Variants in ADK observed in about 807,000 individuals in gnomAD.
The protein encoded by ADK is N6,N6-dimethyladenosine kinase.
A neutral mutation model predicts 44.7 loss-of-function variants in ADK; 24 were observed. The observed-to-expected ratio is 0.54, with a 90% CI of 0.39 to 0.76. ADK has a LOEUF of 0.76. Ranked by LOEUF, ADK falls within the 30% of genes least tolerant of loss-of-function variation. ADK has a pLI of 0.00. For missense variants in ADK, 321 were observed against 425.1 expected (o/e 0.76, Z 2.15); for synonymous variants, 128 against 142.6 (o/e 0.90, Z 0.73).
At chr10:74,702,573 T>TTCCTTCCTCC (rs1554900283) in intron 10 of ADK, among the ~76,000 whole-genome samples, 1 of 142,364 alleles carries the variant, frequency 7.0e-6, no homozygotes, top group Admixed American at 7.2e-5. Flanking sequence ...CCTTCCTTCC[T>TTCCTTCCTCC]CTCTCTCTCT....
intron 6 of ADK, among the ~76,000 whole-genome samples, chr10:74,427,717 A>C (rs1037979600): frequency 2.5e-5 from 3 of 117,906 alleles, no homozygotes; most frequent in African/African-American, 1.0e-4. Flanking sequence ...ATTTTTGTAT[A>C]TGTATATGTA....
chr10:74,704,864 C>T (rs1348290807), intron 10 of ADK, among the ~76,000 whole-genome samples: 1 of 152,214 alleles, frequency 6.6e-6, no homozygotes, highest in Non-Finnish European at 1.5e-5. Flanking sequence ...GTGGACTGAG[C>T]ATTTTCGCCT....
chr10:74,302,966 T>C (rs1840111181), intron 3 of ADK, among the ~76,000 whole-genome samples: 2 of 152,206 alleles, frequency 1.3e-5, no homozygotes, highest in Admixed American at 6.5e-5. Flanking sequence ...CATGCCTTGA[T>C]AATCATTTCT....
chr10:74,171,948 T>C (rs191407407), intron 1 of ADK, among the ~76,000 whole-genome samples: 109 of 152,194 alleles, frequency 7.2e-4, no homozygotes, highest in Non-Finnish European at 1.3e-3. Flanking sequence ...TGGGAAAATA[T>C]ATCTTTACTT....
chr10:74,304,654 A>G (rs1400788159), intron 3 of ADK, among the ~76,000 whole-genome samples: 1 of 152,236 alleles, frequency 6.6e-6, no homozygotes, highest in African/African-American at 2.4e-5. Flanking sequence ...TCAATGTTTA[A>G]TTATTTTAAA....
rs555120198 is a variant in ADK, at chr10:74,341,394, C to T, written c.273+26649C>T. Reference sequence around the variant, plus strand: ...AAAAAAAATTAGCTGGGTGTGTTGGCGGGTGCCTGTAATCCTAGCTACTCG... The same window carrying T: ...AAAAAAAATTAGCTGGGTGTGTTGGTGGGTGCCTGTAATCCTAGCTACTCG... On this transcript the variant is annotated intron_variant, in intron 4 of 10. Coordinates refer to ENST00000539909, the MANE Select transcript of ADK (RefSeq NM_006721.4). Among the ~76,000 whole-genome samples, 942 of 151,552 alleles carry T rather than the reference C, an allele frequency of 6.2e-3. 2 individuals carry two copies. The highest frequency in any genetic ancestry group is 0.01 in the Non-Finnish European group (709 of 67,880).
chr10:74,526,995 CA>C (rs1288361466), intron 7 of ADK, among the ~76,000 whole-genome samples: 1 of 152,200 alleles, frequency 6.6e-6, no homozygotes, highest in African/African-American at 2.4e-5. Flanking sequence ...CAAGAAAGAT[CA>C]GACTGGCAGC....
At chr10:74,410,570 G>T (rs539282660) in intron 6 of ADK, among the ~76,000 whole-genome samples, 2 of 152,124 alleles carry the variant, frequency 1.3e-5, no homozygotes, top group African/African-American at 4.8e-5. Context: ...AGTCCCAGCT[G>T]CTGGGGAGGC....
chr10:74,251,149 A>G (rs892552633), intron 3 of ADK, among the ~76,000 whole-genome samples: 2 of 152,234 alleles, frequency 1.3e-5, no homozygotes, highest in Admixed American at 6.5e-5. Context: ...TGCTGGTACT[A>G]TTAACTTCAA....
chr10:74,200,129 C>A (rs1843317441), intron 1 of ADK, among the ~76,000 whole-genome samples: 1 of 146,958 alleles, frequency 6.8e-6, no homozygotes, highest in Non-Finnish European at 1.5e-5. Context: ...TAAGTATTAC[C>A]TTTTCTCTGC....
chr10:74,626,335 C>G (rs1853202822), intron 9 of ADK, among the ~76,000 whole-genome samples: 1 of 144,922 alleles, frequency 6.9e-6, no homozygotes, highest in Non-Finnish European at 1.5e-5. Flanking sequence ...GAGTCTTGCT[C>G]TGTCCCCAGG....
chr10:74,205,424 C>A (rs1271176038), intron 2 of ADK, among the ~76,000 whole-genome samples: 2 of 151,938 alleles, frequency 1.3e-5, no homozygotes, highest in African/African-American at 4.8e-5. Flanking sequence ...GCCTGTAATC[C>A]CAGCACTTTG....
intron 3 of ADK, among the ~76,000 whole-genome samples, chr10:74,258,152 AT>A (rs1205189834): frequency 1.3e-5 from 2 of 152,082 alleles, no homozygotes; most frequent in South Asian, 2.1e-4. Context: ...ATATTTAAGT[AT>A]TTTTTTAGTG....
chr10:74,193,036 T>C (rs1240778249), intron 1 of ADK, among the ~76,000 whole-genome samples: 2 of 152,246 alleles, frequency 1.3e-5, no homozygotes, highest in African/African-American at 4.8e-5. Context: ...AAAAGTATTT[T>C]GAAGCCATTT....
intron 6 of ADK, among the ~76,000 whole-genome samples, chr10:74,411,904 C>T (rs1364886014): frequency 6.6e-6 from 1 of 152,198 alleles, no homozygotes; most frequent in Non-Finnish European, 1.5e-5. Context: ...GCATTCATAG[C>T]GTGTTCACCA....
intron 3 of ADK, among the ~76,000 whole-genome samples, chr10:74,232,506 A>C (rs937566262): frequency 6.7e-6 from 1 of 148,424 alleles, no homozygotes; most frequent in Admixed American, 6.8e-5. Context: ...TGGGCAATAG[A>C]GTGAGAACCC....
intron 9 of ADK, among the ~76,000 whole-genome samples, chr10:74,653,576 A>T (rs1052612839): frequency 6.6e-6 from 1 of 152,218 alleles, no homozygotes; most frequent in Non-Finnish European, 1.5e-5. Context: ...AAGCTTTAAA[A>T]TCAGTGTACT....
At chr10:74,345,357 C>T (rs1303853460) in intron 4 of ADK, among the ~76,000 whole-genome samples, 1 of 151,524 alleles carries the variant, frequency 6.6e-6, no homozygotes, top group Non-Finnish European at 1.5e-5. Context: ...GGCTGGAGTG[C>T]ACTGGCAAGC....
At chr10:74,225,080 CTTTAT>C (rs1405653488) in intron 3 of ADK, among the ~76,000 whole-genome samples, 1 of 152,058 alleles carries the variant, frequency 6.6e-6, no homozygotes, top group Non-Finnish European at 1.5e-5. Flanking sequence ...AGGTAAAACA[CTTTAT>C]TTTATTTTTA....
Sources: allele counts gnomAD v4.1 joint callset (sites outside exome capture counted in the v4.1 genomes callset), GRCh38; gene constraint gnomAD v4.1.1; transcripts MANE v1.5; gene names NCBI Gene and HGNC (gene_info 2026-07-23, HGNC 2026-07-21).